WASF3: variants seen among roughly 807,000 people sequenced by gnomAD.
WASF3 encodes actin-binding protein WASF3.
WASF3 carries 11 observed loss-of-function variants against 46.6 expected under a neutral mutation model. The ratio of observed to expected loss-of-function variants is 0.24; its 90% CI spans 0.15 to 0.39. The LOEUF (loss-of-function observed/expected upper bound fraction) is 0.39, where lower values mean the gene tolerates loss of function less well. Ranked by LOEUF, WASF3 falls within the 10% of genes least tolerant of loss-of-function variation. The pLI is 1.00. For missense variants in WASF3, 576 were observed against 669.8 expected (o/e 0.86, Z 1.55); for synonymous variants, 242 against 259.7 (o/e 0.93, Z 0.65).
At position 26,621,937 on chromosome 13, in the gene WASF3, G is replaced by A. The variant is rs555689422; in HGVS notation, c.-11+8879G>A. Reference sequence around the variant, plus strand: ...CTTCAAAATGAGAAGGCCACACTGAGGGGAAAGGTCAGAGGAAGGGCTTGG... The same window carrying A: ...CTTCAAAATGAGAAGGCCACACTGAAGGGAAAGGTCAGAGGAAGGGCTTGG... On this transcript the variant is annotated intron_variant, in intron 2 of 9. Transcript: ENST00000335327. 6.6e-5 allele frequency among the ~76,000 whole-genome samples: 10 copies of A among 152,268 alleles called. No homozygotes were observed. The South Asian group carries it at 1.9e-3, about 28-fold the overall frequency.
intron 1 of WASF3, among the ~76,000 whole-genome samples, chr13:26,603,250 T>A (rs1197617353): frequency 6.6e-6 from 1 of 152,166 alleles, no homozygotes; most frequent in African/African-American, 2.4e-5. Flanking sequence ...TTGTAGGGGT[T>A]GGACTGTAGT....
intron 1 of WASF3, among the ~76,000 whole-genome samples, chr13:26,567,816 C>T (rs1027699757): frequency 3.3e-5 from 5 of 151,270 alleles, no homozygotes; most frequent in African/African-American, 9.7e-5. Flanking sequence ...TGTATATATA[C>T]GTGTGTGTGT....
Position 26,679,937 on chromosome 13 carries a change from TAAGAA to T in WASF3, c.717-1113_717-1109del. The T allele has an allele frequency of 6.9e-7, 1 of 1,439,164 alleles. No individual in the cohort carries two copies. The highest frequency in any genetic ancestry group is 9.3e-7 in the Non-Finnish European group (1 of 1,073,730). 89.1% of individuals were successfully genotyped at this position (1,439,164 alleles called of 1,614,324 possible). Reference sequence around the variant, plus strand: ...TTTCTGTGCCACATGGTGCCCCAGTTAAGAAAAGCTACCAACTGGAATCCCAAAGA... The same window carrying T: ...TTTCTGTGCCACATGGTGCCCCAGTTAAGCTACCAACTGGAATCCCAAAGA... On this transcript the variant is annotated intron_variant, in intron 7 of 9. Transcript: ENST00000335327. This position sits in a 1 kb window ranked among gnomAD's most constrained non-coding sequence, Gnocchi z 4.8.
At chr13:26,576,626 G>A (rs766864778) in intron 1 of WASF3, among the ~76,000 whole-genome samples, 1 of 152,070 alleles carries the variant, frequency 6.6e-6, no homozygotes, top group Non-Finnish European at 1.5e-5. Context: ...TCTCAAAAAA[G>A]GTCTAAGTCA....
intron 4 of WASF3, among the ~76,000 whole-genome samples, chr13:26,666,346 T>A (rs1402129049): frequency 6.6e-6 from 1 of 152,228 alleles, no homozygotes; most frequent in Non-Finnish European, 1.5e-5. Flanking sequence ...GATTAATTGG[T>A]AAATTAAATT....
chr13:26,582,029 TCACTGTAAG>T (rs1879993083), intron 1 of WASF3, among the ~76,000 whole-genome samples: 2 of 152,262 alleles, frequency 1.3e-5, no homozygotes, highest in East Asian at 3.8e-4. Context: ...AATTTATGGT[TCACTGTAAG>T]CCAGTGTATA....
intron 1 of WASF3, among the ~76,000 whole-genome samples, chr13:26,580,496 ATAT>A (rs1566041048): frequency 2.0e-5 from 3 of 152,156 alleles, no homozygotes; most frequent in East Asian, 1.9e-4. Flanking sequence ...TAGCATTCAA[ATAT>A]TATTCCTGAA....
At chr13:26,660,562 G>A (rs1011000187) in intron 3 of WASF3, among the ~76,000 whole-genome samples, 7 of 151,988 alleles carry the variant, frequency 4.6e-5, no homozygotes, top group African/African-American at 9.7e-5. Flanking sequence ...GGAAAGGGGC[G>A]AGGACAGAGC....
chr13:26,641,570 T>C (rs1449527569), intron 2 of WASF3, among the ~76,000 whole-genome samples: 1 of 152,122 alleles, frequency 6.6e-6, no homozygotes, highest in Non-Finnish European at 1.5e-5. Flanking sequence ...GGGGTTTATG[T>C]AGCAGGAAGA....
At chr13:26,564,192 T>A (rs933109209) in intron 1 of WASF3, among the ~76,000 whole-genome samples, 1 of 152,188 alleles carries the variant, frequency 6.6e-6, no homozygotes, top group African/African-American at 2.4e-5. Context: ...AAGCTTATAT[T>A]CAAGTGAGGT....
At chr13:26,541,858 AC>A in the WASF3 span, among the ~76,000 whole-genome samples, 1 of 152,036 alleles carries the variant, frequency 6.6e-6, no homozygotes. Flanking sequence ...TAAGCCTCCA[AC>A]CAGGAGAGGT....
chr13:26,581,277 A>C (rs1175896471), intron 1 of WASF3, among the ~76,000 whole-genome samples: 1 of 152,182 alleles, frequency 6.6e-6, no homozygotes, highest in Non-Finnish European at 1.5e-5. Flanking sequence ...GGTTGTGATA[A>C]AATGAGGAAA....
At chr13:26,555,250 TG>T (rs1250678033), upstream of WASF3, among the ~76,000 whole-genome samples, 1 of 149,380 alleles carries the variant, frequency 6.7e-6, no homozygotes, top group African/African-American at 2.4e-5. Flanking sequence ...AAAATTGGAT[TG>T]TTTTTTAATT....
At chr13:26,637,878 C>T (rs1047236837) in intron 2 of WASF3, among the ~76,000 whole-genome samples, 1 of 152,218 alleles carries the variant, frequency 6.6e-6, no homozygotes, top group African/African-American at 2.4e-5. Context: ...AGATCATTCT[C>T]AGGGCACTTG....
At chr13:26,672,997 T>C (rs1882965457) in intron 6 of WASF3, among the ~76,000 whole-genome samples, 1 of 152,188 alleles carries the variant, frequency 6.6e-6, no homozygotes, top group Non-Finnish European at 1.5e-5. Flanking sequence ...AATTGGGATA[T>C]ATCTTGGAAA....
At chr13:26,605,460 A>G (rs991262010) in intron 1 of WASF3, among the ~76,000 whole-genome samples, 1 of 152,230 alleles carries the variant, frequency 6.6e-6, no homozygotes, top group African/African-American at 2.4e-5. Context: ...GGGCAAGTTC[A>G]GCTTTTCTAG....
chr13:26,572,467 G>T (rs1879668613), intron 1 of WASF3, among the ~76,000 whole-genome samples: 1 of 150,890 alleles, frequency 6.6e-6, no homozygotes, highest in South Asian at 2.1e-4. Flanking sequence ...GGGCTTTTTT[G>T]GCCTCCTGTG....
intron 3 of WASF3, among the ~76,000 whole-genome samples, chr13:26,660,577 T>A (rs905465214): frequency 6.6e-6 from 1 of 151,506 alleles, no homozygotes; most frequent in African/African-American, 2.4e-5. Context: ...CAGAGCAGCA[T>A]GGGGTACTCT....
intron 2 of WASF3, among the ~76,000 whole-genome samples, chr13:26,630,379 A>C (rs1159073263): frequency 6.6e-6 from 1 of 152,004 alleles, no homozygotes; most frequent in Non-Finnish European, 1.5e-5. Flanking sequence ...CTCATTGTTC[A>C]ATTCCCACCT....
Sources: gnomAD v4.1 joint callset for allele counts (sites outside exome capture counted in the v4.1 genomes callset) on GRCh38, gnomAD v4.1.1 for gene constraint, Gnocchi (gnomAD v3.1) non-coding constraint, MANE v1.5 for transcripts, NCBI Gene and HGNC (gene_info 2026-07-23, HGNC 2026-07-21) for gene names.